The following VPS45 variants were observed in gnomAD, a reference collection of about 807,000 sequenced individuals.
VPS45 encodes vacuolar protein sorting-associated protein 45.
A neutral mutation model predicts 75.9 loss-of-function variants in VPS45; 35 were observed. The observed-to-expected ratio is 0.46, with a 90% CI of 0.35 to 0.61. VPS45 has a LOEUF of 0.61. Ranked by LOEUF, VPS45 falls within the 20% of genes least tolerant of loss-of-function variation. The pLI, the probability that VPS45 is intolerant of heterozygous loss-of-function variation, is 0.00. For missense variants in VPS45, 559 were observed against 685.9 expected, an observed-to-expected ratio of 0.81 and a Z score of 2.07; for synonymous variants, 220 against 238.2, an observed-to-expected ratio of 0.92 and a Z score of 0.70.
chr1:150,085,495 TG>T (rs1361930924), intron 10 of VPS45, among the ~76,000 whole-genome samples: 1 of 152,118 alleles, frequency 6.6e-6, no homozygotes, highest in Non-Finnish European at 1.5e-5. Context: ...TCTAGGGTAT[TG>T]GGATTTTACA....
intron 14 of VPS45, among the ~76,000 whole-genome samples, chr1:150,131,703 A>G (rs1243121968): frequency 1.3e-5 from 2 of 149,658 alleles, no homozygotes; most frequent in Non-Finnish European, 3.0e-5. Context: ...ATTTTTAGCC[A>G]TGCATGATGG....
At chr1:150,068,828 T>G in intron 2 of VPS45, 64 bp downstream of exon 2, 1 of 1,399,902 alleles carries the variant, frequency 7.1e-7, no homozygotes, top group Non-Finnish European at 9.5e-7. Flanking sequence ...CTGAAAGCAT[T>G]AAGAAGGCAA....
In VPS45 at chr1:150,126,343, TGGGACTACAGGC is replaced by T. The variant is rs1382251380; in HGVS notation, c.1625+15717_1625+15728del. Among the ~76,000 whole-genome samples the T allele has an allele frequency of 2.0e-5, 3 of 152,214 alleles. No homozygotes were observed. The South Asian group carries it at 6.2e-4, about 32-fold the overall frequency. On this transcript the variant is annotated intron_variant, in intron 14 of 14. Coordinates refer to ENST00000644510, the MANE Select transcript of VPS45 (RefSeq NM_007259.5). ...GTCCTGCCTCAGCCTCCCAAGTAGC[TGGGACTACAGGC>T]ATCTGCCACCATGCCTGGCTAATTT...
chr1:150,139,242 G>A (rs975470945), intron 14 of VPS45, among the ~76,000 whole-genome samples: 1 of 152,014 alleles, frequency 6.6e-6, no homozygotes, highest in Non-Finnish European at 1.5e-5. Flanking sequence ...GCCTTATATG[G>A]TCTCTCCTTA....
At chr1:150,110,260 A>G in intron 13 of VPS45, 1 of 406,028 alleles carries the variant, frequency 2.5e-6, no homozygotes, top group Non-Finnish European at 4.5e-6. Flanking sequence ...TCCACAGCAC[A>G]GAAATTATAA....
At chr1:150,067,580 C>G (rs1654786612), upstream of VPS45, 1 of 446,308 alleles carries the variant, frequency 2.2e-6, no homozygotes, top group African/African-American at 2.0e-5. Context: ...TCTGAGAGTC[C>G]GGGCCTCAGG....
At chr1:150,105,885 A>G (rs377166926) in intron 13 of VPS45, among the ~76,000 whole-genome samples, 1 of 152,346 alleles carries the variant, frequency 6.6e-6, no homozygotes, top group Non-Finnish European at 1.5e-5. Flanking sequence ...CTAAAACAGC[A>G]TGGTACTGGT....
At chr1:150,082,993 A>C in intron 10 of VPS45, 110 bp downstream of exon 10, 1 of 1,091,184 alleles carries the variant, frequency 9.2e-7, no homozygotes, top group Non-Finnish European at 1.3e-6. Flanking sequence ...TAGTCCAACA[A>C]GGAGCTGACA....
At chr1:150,093,230 C>T (rs1656441936) in intron 12 of VPS45, among the ~76,000 whole-genome samples, 1 of 151,986 alleles carries the variant, frequency 6.6e-6, no homozygotes. Context: ...TTTATTTGCT[C>T]TACCTATCAT....
chr1:150,086,680 T>G lies in VPS45; in HGVS notation c.1104+3797T>G, dbSNP rs587733467. The stretch of plus-strand genomic sequence containing the variant: ...AGAAGATCTACTGCAAAGCTCAATT[T>G]TATGTTGACTAGTCATTAAGAAAAG... On this transcript the variant is annotated intron_variant, in intron 10 of 14. Coordinates refer to ENST00000644510, the MANE Select transcript of VPS45 (RefSeq NM_007259.5). Among the ~76,000 whole-genome samples the G allele has an allele frequency of 3.9e-5, 6 of 152,298 alleles. No homozygotes were observed. In the East Asian group the frequency reaches 1.2e-3, roughly 29 times the overall value.
At chr1:150,097,824 A>G (rs73011248) in intron 13 of VPS45, among the ~76,000 whole-genome samples, 3,741 of 152,182 alleles carry the variant, frequency 0.025, 147 homozygotes, top group African/African-American at 0.084. Context: ...ACAAGCACAT[A>G]TATGTATAAA....
chr1:150,067,931 T>A lies in VPS45; in HGVS notation c.74T>A (p.Leu25His), dbSNP rs1553796189. ...IEDSGPGMKV[L>H]LMDKETTGIV... ...GACAGCGGGCCTGGTATGAAAGTAC[T>A]TCTCATGGATAAAGAGACGGTGAGT... Residue 25 changes from leucine to histidine, a missense_variant, in exon 1 of 15, where the codon CTT becomes CAT. Leu to His is a moderately conservative substitution (Grantham distance 99). Coordinates refer to ENST00000644510, the MANE Select transcript of VPS45 (RefSeq NM_007259.5). 1 of 1,614,238 alleles carries A rather than the reference T, an allele frequency of 6.2e-7. No individual in the cohort carries two copies.
intron 4 of VPS45, 195 bp downstream of exon 4, chr1:150,076,507 T>G (rs1655393697): frequency 2.0e-6 from 1 of 488,930 alleles, no homozygotes; most frequent in Non-Finnish European, 3.6e-6. Flanking sequence ...CAGAAGGATG[T>G]GATAGGTGAT....
rs587711992 is a variant in VPS45 at position 150,130,128 on chromosome 1, G to A, written c.1626-14581G>A. ...GATCCTGCAGCCTCGGTCTCCCAAAGTGCTGGGATTATAGGCATGAGCCAC... is the reference window on the plus strand; with the variant it reads ...GATCCTGCAGCCTCGGTCTCCCAAAATGCTGGGATTATAGGCATGAGCCAC... On this transcript the variant is annotated intron_variant, in intron 14 of 14. Coordinates refer to ENST00000644510, the MANE Select transcript of VPS45 (RefSeq NM_007259.5). Among the ~76,000 whole-genome samples the A allele has an allele frequency of 2.0e-5, 3 of 150,654 alleles. No individual in the cohort carries two copies. The South Asian group carries it at 6.3e-4, about 31-fold the overall frequency.
intron 3 of VPS45, among the ~76,000 whole-genome samples, 170 bp from the exon 4 acceptor site, chr1:150,076,063 A>AATATATATAT (rs71825614): frequency 0.014 from 1,894 of 140,008 alleles, 41 homozygotes; most frequent in African/African-American, 0.049. Flanking sequence ...GTCCTTTTAA[A>AATATATATAT]ATATATATAT....
At position 150,127,101 on chromosome 1, in the gene VPS45, T is replaced by G. The variant is rs902529700; in HGVS notation, c.1625+16474T>G. 2.8e-4 allele frequency among the ~76,000 whole-genome samples: 42 copies of G among 152,230 alleles called. 2 individuals carry two copies. Among genetic ancestry groups the G allele is most frequent in the Non-Finnish European group, 7.3e-5 (5 of 68,044 alleles). On this transcript the variant is annotated intron_variant, in intron 14 of 14. Coordinates refer to ENST00000644510, the MANE Select transcript of VPS45 (RefSeq NM_007259.5). Reference sequence around the variant, plus strand: ...TTTGGTAAAACACTTAACCAAATTTTAAAGACAGTACAACAAAATGTAAAA... The same window carrying G: ...TTTGGTAAAACACTTAACCAAATTTGAAAGACAGTACAACAAAATGTAAAA...
chr1:150,080,023 C>T (rs1486773145), intron 7 of VPS45, among the ~76,000 whole-genome samples: 1 of 152,004 alleles, frequency 6.6e-6, no homozygotes, highest in Non-Finnish European at 1.5e-5. Context: ...TTAAAAGTTA[C>T]AATTTCTGTC....
At chr1:150,126,508 G>C (rs587724325) in intron 14 of VPS45, among the ~76,000 whole-genome samples, 1 of 150,614 alleles carries the variant, frequency 6.6e-6, no homozygotes, top group African/African-American at 2.4e-5. Context: ...CCACCACACC[G>C]GCCTGTTTTT....
In VPS45 at chr1:150,072,109, A is replaced by G. The variant is rs138511661; in HGVS notation, c.229-57A>G. The G allele has an allele frequency of 2.4e-3, 3,540 of 1,463,500 alleles. 24 individuals are homozygous for G. Among genetic ancestry groups the G allele is most frequent in the Middle Eastern group, 0.018 (94 of 5,100 alleles). 90.7% of individuals were successfully genotyped at this position (1,463,500 alleles called of 1,614,324 possible). A position where few individuals can be genotyped will look rare whatever the true frequency, so the allele number is the denominator to read the frequency against. ...ACAAATCAATGGGTGAATGCTTATT[A>G]CTTTTTTCCTTAAGCAACTCTCCTC... On this transcript the variant is annotated intron_variant, in intron 2 of 14. Coordinates refer to ENST00000644510, the MANE Select transcript of VPS45 (RefSeq NM_007259.5).
Sources: gnomAD v4.1 joint callset for allele counts (sites outside exome capture counted in the v4.1 genomes callset) on GRCh38, gnomAD v4.1.1 for gene constraint, MANE v1.5 for transcripts, NCBI Gene and HGNC (gene_info 2026-07-23, HGNC 2026-07-21) for gene names.